Variants in KANK3 observed in about 807,000 individuals in gnomAD.
KANK3 encodes the protein KN motif and ankyrin repeat domain-containing protein 3.
Under a neutral mutation model 65.4 loss-of-function variants are expected in KANK3, and 61 were observed. That is an observed-to-expected ratio of 0.93 (90% CI 0.76 to 1.15). The LOEUF is 1.15. Ranked by LOEUF, KANK3 falls within the 50% of genes most tolerant of loss-of-function variation. The pLI, the probability that KANK3 is intolerant of heterozygous loss-of-function variation, is 0.00. For missense variants in KANK3, 1,187 were observed against 1,178.8 expected (o/e 1.01, Z -0.10); for synonymous variants, 586 against 543.3 (o/e 1.08, Z -1.09).
chr19:8,333,110 G>A lies in KANK3; in HGVS notation c.1840C>T (p.His614Tyr). 2 of 1,613,030 alleles carry A rather than the reference G, an allele frequency of 1.2e-6. No individual in the cohort carries two copies. Among genetic ancestry groups the A allele is most frequent in the Non-Finnish European group, 1.7e-6 (2 of 1,179,894 alleles). ...TTGCCATCCGCCAGGTTCACCACGT[G>A]CGCCAGCAGTTCGGGTCCCAGGCGC... Reference protein sequence around the residue: ...VRRLGPELLAHVVNLADGNGN... With the variant: ...VRRLGPELLAYVVNLADGNGN... The change falls in exon 7 of 11, where the codon CAC becomes TAC. Residue 614 changes from histidine to tyrosine, a missense_variant. Coordinates refer to ENST00000330915, the MANE Select transcript of KANK3 (RefSeq NM_198471.3). The surrounding 1 kb of genome is among the most constrained non-coding windows in gnomAD (Gnocchi z 5.0).
Position 8,322,796 on chromosome 19 carries a change from G to A in KANK3, c.*43C>T, listed in dbSNP as rs758427831. The A allele has an allele frequency of 4.2e-6, 6 of 1,442,152 alleles. No homozygotes were observed. In the African/African-American group the frequency reaches 7.0e-5, roughly 17 times the overall value. The allele number at this position is 1,442,152 out of a possible 1,614,324, so 89.3% of individuals were successfully genotyped here. On this transcript the variant is annotated 3_prime_UTR_variant, in exon 11 of 11. Transcript: ENST00000330915. ...GCCAAAGGCTGAGGTGACTGACGAG[G>A]AGATCTCCCCACAGCTAGGTGTAGT...
At chr19:8,330,060 G>A (rs376294615) in intron 7 of KANK3, among the ~76,000 whole-genome samples, 2 of 152,272 alleles carry the variant, frequency 1.3e-5, no homozygotes, top group African/African-American at 2.4e-5. Context: ...GCAGAGTGAG[G>A]AGGGGCCTAG....
intron 7 of KANK3, among the ~76,000 whole-genome samples, chr19:8,331,730 C>A (rs1970528752): frequency 6.6e-6 from 1 of 152,076 alleles, no homozygotes; most frequent in South Asian, 2.1e-4. Flanking sequence ...CACTGGGGCT[C>A]AGGAACTCGG....
At position 8,333,142 on chromosome 19, in the gene KANK3, C is replaced by T. The variant is rs751134473; in HGVS notation, c.1808G>A (p.Gly603Glu). Residue 603 changes from glycine to glutamate, a missense_variant, in exon 7 of 11, where the codon GGG (glycine) becomes GAG (glutamate). Physicochemically the swap from Gly to Glu is moderately conservative, Grantham distance 98. This residue lies in a region of KANK3 where 1,078 missense variants were observed against 1,038.2 expected (regional missense o/e 1.04). Coordinates refer to ENST00000330915, the MANE Select transcript of KANK3 (RefSeq NM_198471.3). The surrounding 1 kb of genome is among the most constrained non-coding windows in gnomAD (Gnocchi z 5.0). ...CAGTTCGGGTCCCAGGCGCCTCACCCCTTCCAGCATCCTGGCCACGGGCTC... is the reference window on the plus strand; with the variant it reads ...CAGTTCGGGTCCCAGGCGCCTCACCTCTTCCAGCATCCTGGCCACGGGCTC... The part of the protein sequence containing the change: ...QAEPVARMLE[G>E]VRRLGPELLA... 6.2e-7 allele frequency: 1 copy of T among 1,613,070 alleles called. No individual in the cohort carries two copies. The highest frequency in any genetic ancestry group is 8.5e-7 in the Non-Finnish European group (1 of 1,179,930).
chr19:8,341,781 G>A (rs1480227866), intron 1 of KANK3, among the ~76,000 whole-genome samples: 1 of 152,142 alleles, frequency 6.6e-6, no homozygotes, highest in African/African-American at 2.4e-5. Flanking sequence ...ATGAGCTACT[G>A]CACCTGACCT....
rs6146458 is a variant in KANK3, at chr19:8,334,065, C to CTCGCTGTCGCCA, written c.1467_1478dup (p.Asp489_Ser492dup). ...TACCCGGGGGCTCGGCGCCACCGTTCTCGCTGTCGCCATCGCTGTCGCTGG... is the reference window on the plus strand; with the variant it reads ...TACCCGGGGGCTCGGCGCCACCGTTCTCGCTGTCGCCATCGCTGTCGCCATCGCTGTCGCTGG... On this transcript the variant is annotated inframe_insertion, in exon 5 of 11. Transcript: ENST00000330915. The CTCGCTGTCGCCA allele has an allele frequency of 6.5e-7, 1 of 1,532,504 alleles. No homozygotes were observed. The highest frequency in any genetic ancestry group is 2.4e-5 in the East Asian group (1 of 40,868). The allele number at this position is 1,532,504 out of a possible 1,614,324, so 94.9% of individuals were successfully genotyped here.
Position 8,333,770 on chromosome 19 carries a change from G to T in KANK3, c.1673C>A (p.Ala558Glu). 2 of 1,507,298 alleles carry T rather than the reference G, an allele frequency of 1.3e-6. No homozygotes were observed. Among genetic ancestry groups the T allele is most frequent in the Non-Finnish European group, 1.8e-6 (2 of 1,124,998 alleles). The allele number at this position is 1,507,298 out of a possible 1,614,324, so 93.4% of individuals were successfully genotyped here. Reference protein sequence around the residue: ...LSPRLREACVALQRQLSRPRG... With the variant: ...LSPRLREACVELQRQLSRPRG... ...GGGCCGGCTCAGCTGCCGCTGCAGCGCTACGCACGCCTCCCTCAGACGCGG... is the reference window on the plus strand; with the variant it reads ...GGGCCGGCTCAGCTGCCGCTGCAGCTCTACGCACGCCTCCCTCAGACGCGG... Residue 558 changes from alanine to glutamate, a missense_variant, in exon 6 of 11, where the codon GCG becomes GAG. This residue lies in a region of KANK3 where 1,078 missense variants were observed against 1,038.2 expected (regional missense o/e 1.04). Transcript: ENST00000330915. The surrounding 1 kb of genome is among the most constrained non-coding windows in gnomAD (Gnocchi z 5.0).
At chr19:8,326,864 A>G (rs1275098650) in intron 7 of KANK3, among the ~76,000 whole-genome samples, 1 of 152,110 alleles carries the variant, frequency 6.6e-6, no homozygotes. Flanking sequence ...TGTTTGAAGC[A>G]GCTCACAGTG....
intron 7 of KANK3, among the ~76,000 whole-genome samples, chr19:8,328,537 G>C (rs960038102): frequency 1.3e-5 from 2 of 151,998 alleles, no homozygotes; most frequent in Non-Finnish European, 2.9e-5. Context: ...TCGGGTGAGA[G>C]AGGGGTATGG....
chr19:8,335,408 C>G lies in KANK3; in HGVS notation c.419G>C (p.Arg140Pro). The change falls in exon 3 of 11, where the codon CGG becomes CCG. Residue 140 changes from arginine (R) to proline (P), a missense_variant. Physicochemically the swap from Arg to Pro is moderately radical, Grantham distance 103. This residue lies in a region of KANK3 where 1,078 missense variants were observed against 1,038.2 expected (regional missense o/e 1.04). Coordinates refer to ENST00000330915, the MANE Select transcript of KANK3 (RefSeq NM_198471.3). ...CTCGTGTGTCTGCGCCAGCTCCAGC[C>G]GCCGGCTGGTCTCCCGGAGCGTGTG... ...VEHTLRETSR[R>P]LELAQTHERA... 1.7e-6 allele frequency: 2 copies of G among 1,204,028 alleles called. No homozygotes were observed. The highest frequency in any genetic ancestry group is 2.1e-6 in the Non-Finnish European group (2 of 969,924). 74.6% of individuals were successfully genotyped at this position (1,204,028 alleles called of 1,614,324 possible). A position where few individuals can be genotyped will look rare whatever the true frequency, so the allele number is the denominator to read the frequency against.
chr19:8,335,069 C>A lies in KANK3; in HGVS notation c.758G>T (p.Arg253Leu), dbSNP rs1221956316. 1 of 1,321,152 alleles carries A rather than the reference C, an allele frequency of 7.6e-7. No homozygotes were observed. The highest frequency in any genetic ancestry group is 9.6e-7 in the Non-Finnish European group (1 of 1,040,806). 81.8% of individuals were successfully genotyped at this position (1,321,152 alleles called of 1,614,324 possible). The stretch of plus-strand genomic sequence containing the variant: ...GCCGCCGCGCTCGGAGGTGGCCAGG[C>A]GCTCGGTGAGCCGCCGCAGCTGGGC... ...KLAQLRRLTE[R>L]LATSERGGRA... is the part of the protein sequence containing the mutation. Residue 253 changes from arginine to leucine, a missense_variant, in exon 3 of 11, where the codon CGC becomes CTC. This residue lies in a region of KANK3 where 1,078 missense variants were observed against 1,038.2 expected (regional missense o/e 1.04). Coordinates refer to ENST00000330915, the MANE Select transcript of KANK3 (RefSeq NM_198471.3).
intron 7 of KANK3, among the ~76,000 whole-genome samples, chr19:8,332,241 G>A (rs886884072): frequency 2.6e-5 from 4 of 151,724 alleles, no homozygotes; most frequent in Admixed American, 6.6e-5. Context: ...GCAGTAGCAC[G>A]ATCTCAGCTC....
chr19:8,342,017 A>G (rs187393210), intron 1 of KANK3, among the ~76,000 whole-genome samples: 2 of 151,520 alleles, frequency 1.3e-5, no homozygotes, highest in East Asian at 3.9e-4. Flanking sequence ...TTTATTTTTG[A>G]GACGGAGTCT....
At chr19:8,336,246 G>C (rs1407766610) in intron 2 of KANK3, among the ~76,000 whole-genome samples, 1 of 152,102 alleles carries the variant, frequency 6.6e-6, no homozygotes, top group African/African-American at 2.4e-5. Context: ...GACCAGCCTG[G>C]CCAACATGGT....
At position 8,333,000 on chromosome 19, in the gene KANK3, C is replaced by T. The variant is rs1421093736; in HGVS notation, c.1936+14G>A. 1 of 1,370,804 alleles carries T rather than the reference C, an allele frequency of 7.3e-7. No homozygotes were observed. Among genetic ancestry groups the T allele is most frequent in the Non-Finnish European group, 1.0e-6 (1 of 981,168 alleles). The allele number at this position is 1,370,804 out of a possible 1,614,324, so 84.9% of individuals were successfully genotyped here. A position where few individuals can be genotyped will look rare whatever the true frequency, so the allele number is the denominator to read the frequency against. On this transcript the variant is annotated intron_variant, in intron 7 of 10. Coordinates refer to ENST00000330915, the MANE Select transcript of KANK3 (RefSeq NM_198471.3). Reference sequence around the variant, plus strand: ...CATTTCCTGGTGTCCCACCCACCCTCCCTTGGCTCTGACCCGTATCCAGGA... The same window carrying T: ...CATTTCCTGGTGTCCCACCCACCCTTCCTTGGCTCTGACCCGTATCCAGGA...
chr19:8,339,744 C>G (rs1208781443), intron 1 of KANK3, among the ~76,000 whole-genome samples: 2 of 151,994 alleles, frequency 1.3e-5, no homozygotes, highest in Non-Finnish European at 2.9e-5. Flanking sequence ...GCCTGGGCAA[C>G]AAGAGCGAAG....
intron 1 of KANK3, among the ~76,000 whole-genome samples, chr19:8,340,856 G>T (rs1970715269): frequency 6.6e-6 from 1 of 152,234 alleles, no homozygotes; most frequent in Non-Finnish European, 1.5e-5. Context: ...CAACAGGCCA[G>T]CGGGTCATCG....
At chr19:8,328,524 G>C (rs978449601) in intron 7 of KANK3, among the ~76,000 whole-genome samples, 1 of 152,014 alleles carries the variant, frequency 6.6e-6, no homozygotes, top group African/African-American at 2.4e-5. Context: ...CAGGCAGGTA[G>C]GGTCGGGTGA....
Position 8,333,276 on chromosome 19 carries a change from G to GGC in KANK3, c.1720-48_1720-47dup. The GGC allele has an allele frequency of 1.3e-6, 2 of 1,511,896 alleles. No individual in the cohort carries two copies. The highest frequency in any genetic ancestry group is 9.0e-7 in the Non-Finnish European group (1 of 1,112,588). The allele number at this position is 1,511,896 out of a possible 1,614,324, so 93.7% of individuals were successfully genotyped here. ...GATAACATCGGCGATGGTCCACGGC[G>GGC]GCGCCGTGGTGGGGGAGCTGGGGAG... On this transcript the variant is annotated intron_variant, in intron 6 of 10. Coordinates refer to ENST00000330915, the MANE Select transcript of KANK3 (RefSeq NM_198471.3). The surrounding 1 kb of genome is among the most constrained non-coding windows in gnomAD (Gnocchi z 5.0).
Sources: gnomAD v4.1 joint callset for allele counts (sites outside exome capture counted in the v4.1 genomes callset) on GRCh38, gnomAD v4.1.1 for gene constraint, gnomAD v4.1.1 regional missense constraint, Gnocchi (gnomAD v3.1) non-coding constraint, MANE v1.5 for transcripts, NCBI Gene and HGNC (gene_info 2026-07-23, HGNC 2026-07-21) for gene names.